SPAG16: variants seen among roughly 807,000 people sequenced by gnomAD.
The protein encoded by SPAG16 is sperm-associated antigen 16 protein.
Under a neutral mutation model 80.4 loss-of-function variants are expected in SPAG16, and 86 were observed. The observed-to-expected ratio is 1.07, with a 90% CI of 0.90 to 1.28. The LOEUF is 1.28. Among genes scored for constraint, SPAG16 ranks in the 50% most tolerant of loss-of-function variants. The probability of loss-of-function intolerance (pLI) is 0.00; values close to 1 mark genes in which losing one functional copy is unlikely to be tolerated. For synonymous variants in SPAG16, 294 were observed against 265.9 expected, an observed-to-expected ratio of 1.11 and a Z score of -1.03; for missense variants, 870 against 765.3, an observed-to-expected ratio of 1.14 and a Z score of -1.61.
chr2:213,344,840 A>T (rs1276747547), intron 6 of SPAG16, among the ~76,000 whole-genome samples: 1 of 152,112 alleles, frequency 6.6e-6, no homozygotes, highest in African/African-American at 2.4e-5. Flanking sequence ...CAATAAACAT[A>T]ACGTGTGCAT....
intron 15 of SPAG16, among the ~76,000 whole-genome samples, chr2:214,314,035 T>A (rs1446092506): frequency 6.6e-6 from 1 of 152,160 alleles, no homozygotes; most frequent in East Asian, 1.9e-4. Flanking sequence ...ATTGTATTTG[T>A]ATCTAGGCCT....
At chr2:214,176,601 T>C (rs780051778) in intron 15 of SPAG16, among the ~76,000 whole-genome samples, 3 of 151,396 alleles carry the variant, frequency 2.0e-5, no homozygotes, top group Non-Finnish European at 3.0e-5. Flanking sequence ...ATTCCTTTCC[T>C]GTTCCTTTGA....
intron 15 of SPAG16, among the ~76,000 whole-genome samples, chr2:214,402,810 C>G (rs771733913): frequency 1.3e-5 from 2 of 151,980 alleles, no homozygotes; most frequent in African/African-American, 2.4e-5. Flanking sequence ...GTTGTACAAT[C>G]AGATTCTTGG....
chr2:213,504,027 G>T (rs577980873), intron 10 of SPAG16, among the ~76,000 whole-genome samples: 1 of 152,268 alleles, frequency 6.6e-6, no homozygotes, highest in Admixed American at 6.5e-5. Flanking sequence ...TGCAGGGTCT[G>T]CGTGTCTTGT....
chr2:213,703,848 G>C (rs1313074164), intron 10 of SPAG16, among the ~76,000 whole-genome samples: 1 of 152,216 alleles, frequency 6.6e-6, no homozygotes, highest in Admixed American at 6.5e-5. Flanking sequence ...TGTCAGATCT[G>C]CATTGCAGTC....
At chr2:213,963,220 A>G (rs2044544359) in intron 12 of SPAG16, among the ~76,000 whole-genome samples, 1 of 151,688 alleles carries the variant, frequency 6.6e-6, no homozygotes, top group African/African-American at 2.4e-5. Context: ...TCCAGTAAAT[A>G]TTGGTATGTC....
intron 12 of SPAG16, among the ~76,000 whole-genome samples, chr2:213,977,989 T>C (rs2045506503): frequency 1.3e-5 from 2 of 151,992 alleles, no homozygotes; most frequent in Admixed American, 1.3e-4. Flanking sequence ...CTACTTTTTT[T>C]TGTTGAGAGG....
At position 213,584,677 on chromosome 2, in the gene SPAG16, A is replaced by T. The variant is rs149702525; in HGVS notation, c.1070+94587A>T. 1.6e-3 allele frequency among the ~76,000 whole-genome samples: 240 copies of T among 152,276 alleles called. 3 individuals are homozygous for T. The highest frequency in any genetic ancestry group is 4.7e-3 in the African/African-American group (195 of 41,564). On this transcript the variant is annotated intron_variant, in intron 10 of 15. Coordinates refer to ENST00000331683, the MANE Select transcript of SPAG16 (RefSeq NM_024532.5). ...ACGGACGGATGGACGGGAGGAAGTG[A>T]GGGAAACTAGACAGAGTTATAGGGC...
intron 10 of SPAG16, among the ~76,000 whole-genome samples, chr2:213,613,897 T>G (rs569355430): frequency 1.3e-5 from 2 of 152,332 alleles, no homozygotes; most frequent in South Asian, 4.1e-4. Flanking sequence ...AAACTAAGAA[T>G]GGAAGTACTT....
chr2:213,495,673 A>G (rs995201317), intron 10 of SPAG16, among the ~76,000 whole-genome samples: 1 of 152,194 alleles, frequency 6.6e-6, no homozygotes, highest in African/African-American at 2.4e-5. Flanking sequence ...ACAGAGGGAA[A>G]CTGAGTGTAG....
At chr2:213,723,348 G>A (rs1411945217) in intron 10 of SPAG16, among the ~76,000 whole-genome samples, 1 of 152,086 alleles carries the variant, frequency 6.6e-6, no homozygotes, top group Non-Finnish European at 1.5e-5. Flanking sequence ...TGTTGTTCAG[G>A]GTAAAATCTT....
intron 15 of SPAG16, among the ~76,000 whole-genome samples, chr2:214,392,375 C>T (rs542905481): frequency 2.0e-5 from 3 of 151,892 alleles, no homozygotes; most frequent in Non-Finnish European, 2.9e-5. Context: ...AGGCTGGTCT[C>T]GAACTCCTGA....
intron 10 of SPAG16, among the ~76,000 whole-genome samples, chr2:213,648,623 T>G (rs949467296): frequency 6.6e-6 from 1 of 151,774 alleles, no homozygotes; most frequent in Non-Finnish European, 1.5e-5. Flanking sequence ...CACACACATT[T>G]ACTAAGGCAT....
chr2:214,063,099 T>G (rs2050359682), intron 13 of SPAG16, among the ~76,000 whole-genome samples: 1 of 152,178 alleles, frequency 6.6e-6, no homozygotes, highest in Admixed American at 6.5e-5. Flanking sequence ...ATTTTTTTCA[T>G]GCACAGCCTT....
chr2:214,170,888 A>C (rs1467508997), intron 15 of SPAG16, among the ~76,000 whole-genome samples: 1 of 152,046 alleles, frequency 6.6e-6, no homozygotes, highest in African/African-American at 2.4e-5. Flanking sequence ...CCATTTCTTC[A>C]TGGTGTTAGA....
intron 6 of SPAG16, among the ~76,000 whole-genome samples, chr2:213,349,515 T>C (rs2065206638): frequency 2.0e-5 from 3 of 152,144 alleles, no homozygotes; most frequent in Non-Finnish European, 4.4e-5. Flanking sequence ...GTATAAATTA[T>C]AACCCAGCAA....
At chr2:213,814,798 A>G (rs1306053018) in intron 10 of SPAG16, among the ~76,000 whole-genome samples, 1 of 151,402 alleles carries the variant, frequency 6.6e-6, no homozygotes, top group Non-Finnish European at 1.5e-5. Flanking sequence ...CAAAACAATA[A>G]TAATAATAAT....
intron 14 of SPAG16, among the ~76,000 whole-genome samples, chr2:214,118,492 C>T (rs62197901): frequency 2.0e-5 from 3 of 152,028 alleles, no homozygotes; most frequent in South Asian, 4.2e-4. Context: ...AGTTCCACAT[C>T]GTTGGGGAGG....
At chr2:213,698,486 T>G (rs148772574) in intron 10 of SPAG16, among the ~76,000 whole-genome samples, 1 of 152,290 alleles carries the variant, frequency 6.6e-6, no homozygotes, top group African/African-American at 2.4e-5. Flanking sequence ...GGTATCAAAC[T>G]CCTGGGTTCA....
Sources: allele counts gnomAD v4.1 joint callset (sites outside exome capture counted in the v4.1 genomes callset), GRCh38; gene constraint gnomAD v4.1.1; transcripts MANE v1.5; gene names NCBI Gene and HGNC (gene_info 2026-07-23, HGNC 2026-07-21).